The following FANK1 variants were observed in gnomAD, a reference collection of about 807,000 sequenced individuals.
The protein encoded by FANK1 is fibronectin type 3 and ankyrin repeat domains protein 1.
FANK1 carries 44 observed loss-of-function variants against 45.3 expected under a neutral mutation model. The ratio of observed to expected loss-of-function variants is 0.97; its 90% confidence interval spans 0.76 to 1.25. The LOEUF (loss-of-function observed/expected upper bound fraction) is 1.25. FANK1 is among the 50% of genes most tolerant of loss of function. The pLI, the probability that FANK1 is intolerant of heterozygous loss-of-function variation, is 0.00. For synonymous variants in FANK1, 149 were observed against 152.5 expected, an observed-to-expected ratio of 0.98 and a Z score of 0.17; for missense variants, 391 against 424.4, an observed-to-expected ratio of 0.92 and a Z score of 0.69.
chr10:125,951,240 A>G, intron 1 of FANK1, among the ~76,000 whole-genome samples: 1 of 152,034 alleles, frequency 6.6e-6, no homozygotes, highest in Admixed American at 6.6e-5. Context: ...AAAGTATAAA[A>G]AAAAAAAAAA....
chr10:125,923,856 T>G (rs9794676), intron 1 of FANK1, among the ~76,000 whole-genome samples: 2 of 148,904 alleles, frequency 1.3e-5, no homozygotes, highest in Non-Finnish European at 3.0e-5. Flanking sequence ...TTCAGAGTCT[T>G]TCTATCTGTA....
chr10:125,905,045 G>C (rs1945371523), intron 1 of FANK1, among the ~76,000 whole-genome samples: 1 of 150,506 alleles, frequency 6.6e-6, no homozygotes, highest in Non-Finnish European at 1.5e-5. Context: ...ACAGGAGAAT[G>C]GTGTGAACCC....
intron 6 of FANK1, among the ~76,000 whole-genome samples, chr10:126,000,463 A>G (rs552636444): frequency 2.2e-4 from 34 of 152,230 alleles, no homozygotes; most frequent in Non-Finnish European, 4.4e-4. Flanking sequence ...AACCTGGTAT[A>G]TGATGATAGA....
At chr10:125,952,044 C>G (rs1303999587) in intron 1 of FANK1, among the ~76,000 whole-genome samples, 1 of 152,158 alleles carries the variant, frequency 6.6e-6, no homozygotes, top group African/African-American at 2.4e-5. Flanking sequence ...CTGGAACTGT[C>G]AGACTTTGTG....
intron 1 of FANK1, among the ~76,000 whole-genome samples, chr10:125,906,372 T>C (rs1486410230): frequency 6.6e-6 from 1 of 151,750 alleles, no homozygotes; most frequent in Admixed American, 6.6e-5. Flanking sequence ...AAAAATCAGC[T>C]GGGCATGGTG....
rs74380746 is a variant in FANK1 at position 125,910,959 on chromosome 10, G to A, written c.13+14304G>A. Among the ~76,000 whole-genome samples, 10 of 151,258 alleles carry A rather than the reference G, an allele frequency of 6.6e-5. No individual in the cohort carries two copies. The East Asian group carries it at 1.6e-3, about 24-fold the overall frequency. ...TGAGGCAGGAGAATTACTTGAACCCGGGAGGCAGAGTTTGTAGTGAACCGA... is the reference window on the plus strand; with the variant it reads ...TGAGGCAGGAGAATTACTTGAACCCAGGAGGCAGAGTTTGTAGTGAACCGA... On this transcript the variant is annotated intron_variant, in intron 1 of 10. Coordinates refer to ENST00000368693, the MANE Select transcript of FANK1 (RefSeq NM_145235.5).
At chr10:125,974,581 C>A (rs536273108) in intron 1 of FANK1, among the ~76,000 whole-genome samples, 1 of 152,292 alleles carries the variant, frequency 6.6e-6, no homozygotes, top group East Asian at 1.9e-4. Flanking sequence ...CACTCTACTG[C>A]ACCCCTTGTT....
At chr10:125,925,773 G>T (rs1215972239) in intron 1 of FANK1, among the ~76,000 whole-genome samples, 2 of 151,988 alleles carry the variant, frequency 1.3e-5, no homozygotes, top group African/African-American at 4.8e-5. Context: ...AAATAGCATG[G>T]AATGAGATTT....
chr10:125,904,160 A>G (rs1165823920), intron 1 of FANK1, among the ~76,000 whole-genome samples: 4 of 152,192 alleles, frequency 2.6e-5, no homozygotes, highest in African/African-American at 9.7e-5. Flanking sequence ...TGAGCGTAGT[A>G]TTAGTAAAAC....
At chr10:125,943,479 C>T (rs1436750586) in intron 1 of FANK1, among the ~76,000 whole-genome samples, 1 of 152,154 alleles carries the variant, frequency 6.6e-6, no homozygotes, top group Non-Finnish European at 1.5e-5. Flanking sequence ...AATCTCATAA[C>T]CATTAGAAAC....
At chr10:125,970,684 C>T (rs753131052) in intron 1 of FANK1, among the ~76,000 whole-genome samples, 12 of 152,290 alleles carry the variant, frequency 7.9e-5, no homozygotes, top group South Asian at 2.1e-4. Context: ...CGTGACAGCG[C>T]GCGCCTGCAA....
intron 1 of FANK1, among the ~76,000 whole-genome samples, chr10:125,924,379 G>A (rs922218692): frequency 2.7e-5 from 4 of 150,734 alleles, no homozygotes; most frequent in Admixed American, 2.6e-4. Context: ...TCAGCCTCCC[G>A]AGTAGCTGGG....
intron 3 of FANK1, among the ~76,000 whole-genome samples, chr10:125,991,012 G>C (rs1458975965): frequency 6.6e-6 from 1 of 152,154 alleles, no homozygotes; most frequent in African/African-American, 2.4e-5. Context: ...CTCCCACCAG[G>C]TCACTCCCAT....
intron 1 of FANK1, among the ~76,000 whole-genome samples, chr10:125,964,204 T>G (rs1387855243): frequency 7.0e-6 from 1 of 143,064 alleles, no homozygotes; most frequent in Non-Finnish European, 1.5e-5. Flanking sequence ...TTTTTTTTTT[T>G]TTTTTTGAGA....
chr10:125,921,177 A>T (rs1400947509), intron 1 of FANK1, among the ~76,000 whole-genome samples: 1 of 152,196 alleles, frequency 6.6e-6, no homozygotes, highest in Non-Finnish European at 1.5e-5. Flanking sequence ...TAGATTACAA[A>T]ATTATATGAT....
At chr10:125,969,949 T>C (rs961987465) in intron 1 of FANK1, among the ~76,000 whole-genome samples, 4 of 152,174 alleles carry the variant, frequency 2.6e-5, no homozygotes, top group Admixed American at 6.5e-5. Context: ...GGGGGTAAGG[T>C]TATATATTAA....
Position 125,980,157 on chromosome 10 carries a change from T to G in FANK1, c.14-4T>G. ...CTGAAGTTCGGTGTCATTCTTTTTT[T>G]TAGAAATCATGCCACCCTCAAAGCC... On this transcript the variant is annotated splice_polypyrimidine_tract_variant and splice_region_variant and intron_variant, in intron 1 of 10. Coordinates refer to ENST00000368693, the MANE Select transcript of FANK1 (RefSeq NM_145235.5). 1 of 1,606,452 alleles carries G rather than the reference T, an allele frequency of 6.2e-7. No homozygotes were observed. The highest frequency in any genetic ancestry group is 8.5e-7 in the Non-Finnish European group (1 of 1,177,366).
At chr10:125,922,986 T>C (rs1564876151) in intron 1 of FANK1, among the ~76,000 whole-genome samples, 2 of 151,706 alleles carry the variant, frequency 1.3e-5, no homozygotes, top group Admixed American at 1.3e-4. Flanking sequence ...AGTGGCAGAG[T>C]TTTTTTTGTT....
intron 1 of FANK1, among the ~76,000 whole-genome samples, chr10:125,974,198 A>G (rs1180640583): frequency 6.6e-6 from 1 of 152,170 alleles, no homozygotes; most frequent in East Asian, 1.9e-4. Flanking sequence ...GTGAGCTTGC[A>G]GGCTGCCTCC....
Sources: allele counts gnomAD v4.1 joint callset (sites outside exome capture counted in the v4.1 genomes callset), GRCh38; gene constraint gnomAD v4.1.1; transcripts MANE v1.5; gene names NCBI Gene and HGNC (gene_info 2026-07-23, HGNC 2026-07-21).